The following RASAL2 variants were observed in gnomAD, a reference collection of about 807,000 sequenced individuals.
RASAL2 encodes ras GTPase-activating protein nGAP.
In RASAL2, 58 loss-of-function variants were observed where a neutral mutation model predicts 128.9. That is an observed-to-expected ratio of 0.45 (90% CI 0.36 to 0.56). RASAL2 has a LOEUF of 0.56. RASAL2 is among the 20% of genes least tolerant of loss of function. The probability of loss-of-function intolerance (pLI) is 0.00; values close to 1 mark genes in which losing one functional copy is unlikely to be tolerated. For synonymous variants in RASAL2, 561 were observed against 580.8 expected, an observed-to-expected ratio of 0.97 and a Z score of 0.49; for missense variants, 1,360 against 1,601.6, an observed-to-expected ratio of 0.85 and a Z score of 2.57.
chr1:178,118,134 G>C (rs1483664080), intron 1 of RASAL2, among the ~76,000 whole-genome samples: 1 of 150,814 alleles, frequency 6.6e-6, no homozygotes, highest in Non-Finnish European at 1.5e-5. Context: ...TTGCACTCCA[G>C]CCTGAGCAGT....
chr1:178,190,242 A>G (rs1662446037), intron 1 of RASAL2, among the ~76,000 whole-genome samples: 1 of 142,208 alleles, frequency 7.0e-6, no homozygotes, highest in African/African-American at 3.1e-5. Context: ...TTGGCTGACT[A>G]CTTGGTTTTC....
rs769654243 is a variant in RASAL2, at chr1:178,452,411, C to A, written c.1773-5C>A. 2.5e-6 allele frequency: 4 copies of A among 1,612,858 alleles called. No homozygotes were observed. Among genetic ancestry groups the A allele is most frequent in the Non-Finnish European group, 3.4e-6 (4 of 1,179,038 alleles). On this transcript the variant is annotated splice_region_variant and splice_polypyrimidine_tract_variant and intron_variant, in intron 10 of 17. Coordinates refer to ENST00000367649, the MANE Select transcript of RASAL2 (RefSeq NM_170692.4). ...AGAGGTTTTGGTACTTCTTTCCTTC[C>A]CTAGTGTTTTCCCTCGTGAGTTGAA... is the stretch of plus-strand genomic sequence containing the variant.
chr1:178,362,964 T>C (rs1312909831), intron 3 of RASAL2, among the ~76,000 whole-genome samples: 1 of 152,200 alleles, frequency 6.6e-6, no homozygotes, highest in Admixed American at 6.5e-5. Flanking sequence ...TTGCAATGAA[T>C]ATGGGAATGC....
rs982791537 is a variant in RASAL2 at position 178,378,140 on chromosome 1, AT to A, written c.458-11952del. 1.7e-3 allele frequency among the ~76,000 whole-genome samples: 254 copies of A among 151,768 alleles called. 2 individuals carry two copies. Among genetic ancestry groups the A allele is most frequent in the African/African-American group, 5.9e-3 (246 of 41,472 alleles). ...TAAAAGATAAATATTGTCAGACTGGATTTTTTTTAATGCTATGAATGAGAGA... is the reference window on the plus strand; with the variant it reads ...TAAAAGATAAATATTGTCAGACTGGATTTTTTTAATGCTATGAATGAGAGA... On this transcript the variant is annotated intron_variant, in intron 3 of 17. Coordinates refer to ENST00000367649, the MANE Select transcript of RASAL2 (RefSeq NM_170692.4).
intron 3 of RASAL2, among the ~76,000 whole-genome samples, chr1:178,371,383 T>G (rs1671710867): frequency 8.1e-6 from 1 of 123,218 alleles, no homozygotes. Context: ...CACACTTCCT[T>G]TCTTTCCTCG....
At chr1:178,436,604 A>G (rs1392509477) in intron 5 of RASAL2, among the ~76,000 whole-genome samples, 1 of 152,158 alleles carries the variant, frequency 6.6e-6, no homozygotes, top group African/African-American at 2.4e-5. Flanking sequence ...AGGAAACAGA[A>G]TACATGTGAG....
chr1:178,411,460 A>G (rs1051483068), intron 4 of RASAL2, among the ~76,000 whole-genome samples: 5 of 152,146 alleles, frequency 3.3e-5, no homozygotes, highest in Non-Finnish European at 7.4e-5. Flanking sequence ...TACACTGCTC[A>G]GGTGATGGGT....
At chr1:178,424,300 TGGCACAATCTC>T (rs1209453280) in intron 5 of RASAL2, among the ~76,000 whole-genome samples, 2 of 151,820 alleles carry the variant, frequency 1.3e-5, no homozygotes, top group Non-Finnish European at 2.9e-5. Flanking sequence ...TGGAGTGTAG[TGGCACAATCTC>T]GGCTCATTGC....
Position 178,452,660 on chromosome 1 carries a change from A to G in RASAL2, c.2009+8A>G. 1 of 1,594,548 alleles carries G rather than the reference A, an allele frequency of 6.3e-7. No individual in the cohort carries two copies. Among genetic ancestry groups the G allele is most frequent in the South Asian group, 1.1e-5 (1 of 90,642 alleles). ...CCTGGCCAACTTTGCCAAGTAGGTG[A>G]TACTGTTGTAACCACTTTAAAAACA... On this transcript the variant is annotated splice_region_variant and intron_variant, in intron 11 of 17. Coordinates refer to ENST00000367649, the MANE Select transcript of RASAL2 (RefSeq NM_170692.4).
chr1:178,324,929 G>A (rs1432199462), intron 3 of RASAL2, among the ~76,000 whole-genome samples: 1 of 152,092 alleles, frequency 6.6e-6, no homozygotes, highest in Non-Finnish European at 1.5e-5. Flanking sequence ...CTGCCAACTG[G>A]TCTCTCTAGT....
intron 3 of RASAL2, among the ~76,000 whole-genome samples, chr1:178,367,890 A>G (rs1326514003): frequency 6.6e-6 from 1 of 152,238 alleles, no homozygotes; most frequent in Non-Finnish European, 1.5e-5. Flanking sequence ...TACATTAAGT[A>G]CTGAAAATAT....
At position 178,450,360 on chromosome 1, in the gene RASAL2, G is replaced by T. The variant is rs539224276; in HGVS notation, c.1628-1211G>T. On this transcript the variant is annotated intron_variant, in intron 9 of 17. Coordinates refer to ENST00000367649, the MANE Select transcript of RASAL2 (RefSeq NM_170692.4). ...GTGACTTTTCCAGGCCCCACAGTCA[G>T]TTAAATGATGGATCCGGATTTGAGC... 3.3e-5 allele frequency among the ~76,000 whole-genome samples: 5 copies of T among 152,204 alleles called. No individual in the cohort carries two copies. The East Asian group carries it at 9.6e-4, about 29-fold the overall frequency.
rs147661022 is a variant in RASAL2 at position 178,407,610 on chromosome 1, T to C, written c.565-12901T>C. ...GTGAATCAGGTAACATTTTGAGAAA[T>C]TGCCATTTAAAAATAGTTAATCACT... On this transcript the variant is annotated intron_variant, in intron 4 of 17. Transcript: ENST00000367649. 5.7e-3 allele frequency among the ~76,000 whole-genome samples: 869 copies of C among 152,272 alleles called. 5 individuals carry two copies. Among genetic ancestry groups the C allele is most frequent in the Admixed American group, 0.012 (185 of 15,292 alleles).
At chr1:178,446,624 A>G (rs527433283) in intron 9 of RASAL2, among the ~76,000 whole-genome samples, 18 of 152,340 alleles carry the variant, frequency 1.2e-4, no homozygotes, top group Non-Finnish European at 1.9e-4. Flanking sequence ...CTAATGCTCA[A>G]CAGCCACGTG....
chr1:178,404,497 C>T (rs1340778217), intron 4 of RASAL2, among the ~76,000 whole-genome samples: 2 of 151,644 alleles, frequency 1.3e-5, no homozygotes, highest in Non-Finnish European at 2.9e-5. Flanking sequence ...TCTCCTGCCT[C>T]AGCCTCTGGA....
intron 5 of RASAL2, among the ~76,000 whole-genome samples, chr1:178,436,032 A>G (rs1676234456): frequency 6.6e-6 from 1 of 152,104 alleles, no homozygotes; most frequent in African/African-American, 2.4e-5. Flanking sequence ...TAGTTAGTAG[A>G]TCTAAGAAAA....
At chr1:178,167,126 T>A (rs1449790526) in intron 1 of RASAL2, among the ~76,000 whole-genome samples, 1 of 152,124 alleles carries the variant, frequency 6.6e-6, no homozygotes, top group Non-Finnish European at 1.5e-5. Context: ...GTTTTCCATT[T>A]TCAGAGTTTT....
intron 14 of RASAL2, among the ~76,000 whole-genome samples, chr1:178,459,587 T>C (rs918556794): frequency 3.3e-5 from 5 of 152,182 alleles, no homozygotes; most frequent in African/African-American, 1.2e-4. Context: ...TTTAGGCACT[T>C]ACCTATATGG....
chr1:178,434,082 A>C (rs555296655), intron 5 of RASAL2, among the ~76,000 whole-genome samples: 136 of 152,202 alleles, frequency 8.9e-4, no homozygotes, highest in African/African-American at 3.2e-3. Context: ...ATGTTACTTG[A>C]GTTGGATTAC....
Sources: allele counts gnomAD v4.1 joint callset (sites outside exome capture counted in the v4.1 genomes callset), GRCh38; gene constraint gnomAD v4.1.1; transcripts MANE v1.5; gene names NCBI Gene and HGNC (gene_info 2026-07-23, HGNC 2026-07-21).